HIPK3: variants seen among roughly 807,000 people sequenced by gnomAD.
The protein encoded by HIPK3 is homeodomain-interacting protein kinase 3.
Under a neutral mutation model 124.2 loss-of-function variants are expected in HIPK3, and 47 were observed. The observed-to-expected ratio is 0.38, with a 90% CI of 0.30 to 0.48. The LOEUF is 0.48. Ranked by LOEUF, HIPK3 falls within the 20% of genes least tolerant of loss-of-function variation. The pLI, the probability that HIPK3 is intolerant of heterozygous loss-of-function variation, is 0.98. For missense variants in HIPK3, 1,286 were observed against 1,454.3 expected (o/e 0.88, Z 1.88); for synonymous variants, 482 against 515.2 (o/e 0.94, Z 0.87).
chr11:33,258,611 C>G (rs879280513), intron 1 of HIPK3: 48 of 985,284 alleles, frequency 4.9e-5, no homozygotes, highest in Non-Finnish European at 5.8e-5. Context: ...TTCCCTTCGC[C>G]GCACTGGGAG....
chr11:33,355,324 A>G lies in HIPK3; in HGVS notation c.*1756A>G, dbSNP rs1388790336. The G allele has an allele frequency of 6.6e-6, 1 of 152,018 alleles. No individual in the cohort carries two copies. The highest frequency in any genetic ancestry group is 1.5e-5 in the Non-Finnish European group (1 of 67,910). The allele number at this position is 152,018 out of a possible 1,614,324, so 9.4% of individuals were successfully genotyped here. A position where few individuals can be genotyped will look rare whatever the true frequency, so the allele number is the denominator to read the frequency against. On this transcript the variant is annotated 3_prime_UTR_variant, in exon 17 of 17. Transcript: ENST00000303296. ...TTTGCATCAGTATTTTATCTCTATT[A>G]ATGTTTGTGCTCATCACTGCATATT...
chr11:33,285,576 AAAAT>A (rs55963412), intron 1 of HIPK3, among the ~76,000 whole-genome samples: 4,432 of 55,954 alleles, frequency 0.079, 74 homozygotes, highest in East Asian at 0.1. Flanking sequence ...TCAAAAAAAA[AAAAT>A]ATATATATAT....
In HIPK3 at chr11:33,321,359, A is replaced by G. The variant is rs200759012; in HGVS notation, c.1098-7151A>G. ...TGCTTTCAAGAAGGATTGGTGTAAA[A>G]TGGGAACAGAAAAAGGGGTGATGGC... On this transcript the variant is annotated intron_variant, in intron 2 of 16. Coordinates refer to ENST00000303296, the MANE Select transcript of HIPK3 (RefSeq NM_005734.5). 5.9e-5 allele frequency among the ~76,000 whole-genome samples: 9 copies of G among 152,314 alleles called. No individual in the cohort carries two copies. In the East Asian group the frequency reaches 1.7e-3, roughly 29 times the overall value.
intron 1 of HIPK3, among the ~76,000 whole-genome samples, chr11:33,271,035 ATACTT>A (rs1851110690): frequency 6.6e-6 from 1 of 152,154 alleles, no homozygotes; most frequent in African/African-American, 2.4e-5. Context: ...TTATGGCAAA[ATACTT>A]TAAGTTTTAT....
chr11:33,339,265 T>G, intron 5 of HIPK3, 85 bp from the exon 6 acceptor site: 1 of 991,576 alleles, frequency 1.0e-6, no homozygotes, highest in Non-Finnish European at 1.5e-6. Flanking sequence ...GTGTTGTGAT[T>G]TTTGTTTTAT....
intron 2 of HIPK3, among the ~76,000 whole-genome samples, chr11:33,296,779 C>A (rs1851853010): frequency 6.6e-6 from 1 of 152,170 alleles, no homozygotes; most frequent in Admixed American, 6.6e-5. Flanking sequence ...GTCTCTCCTT[C>A]TCCTCTGGCC....
intron 2 of HIPK3, among the ~76,000 whole-genome samples, chr11:33,308,626 G>GTT (rs1434747147): frequency 6.6e-6 from 1 of 151,508 alleles, no homozygotes; most frequent in Non-Finnish European, 1.5e-5. Context: ...GTGTGTGTGT[G>GTT]TGTGTGTGTG....
At chr11:33,333,354 C>A (rs1007165060) in intron 3 of HIPK3, among the ~76,000 whole-genome samples, 1 of 152,308 alleles carries the variant, frequency 6.6e-6, no homozygotes, top group Non-Finnish European at 1.5e-5. Context: ...ATCTGAGTTT[C>A]TGCTCACCTT....
At chr11:33,289,709 A>C (rs145886999) in intron 2 of HIPK3, among the ~76,000 whole-genome samples, 147 of 152,282 alleles carry the variant, frequency 9.7e-4, no homozygotes, top group African/African-American at 3.5e-3. Flanking sequence ...TGAACAATAA[A>C]TTATTTTTGA....
At chr11:33,345,966 C>A (rs1451258445) in intron 8 of HIPK3, among the ~76,000 whole-genome samples, 5 of 152,100 alleles carry the variant, frequency 3.3e-5, no homozygotes, top group Non-Finnish European at 7.4e-5. Flanking sequence ...TGAAGAGAAA[C>A]ACTCAACATC....
At chr11:33,328,483 G>T in intron 2 of HIPK3, 27 bp from the exon 3 acceptor site, 1 of 1,605,070 alleles carries the variant, frequency 6.2e-7, no homozygotes, top group South Asian at 1.1e-5. Flanking sequence ...AAACCACCCT[G>T]ATTTTTGTTT....
rs570741506 is a variant in HIPK3, at chr11:33,299,421, G to A, written c.1097+11910G>A. ...TGGGTGGCAGAGGTTGCAGTGAGCC[G>A]AGATCATGCCACTGCAATTCCAGCC... On this transcript the variant is annotated intron_variant, in intron 2 of 16. Coordinates refer to ENST00000303296, the MANE Select transcript of HIPK3 (RefSeq NM_005734.5). 1.7e-3 allele frequency among the ~76,000 whole-genome samples: 255 copies of A among 151,820 alleles called. 2 individuals carry two copies. The highest frequency in any genetic ancestry group is 2.4e-4 in the Non-Finnish European group (16 of 67,948).
chr11:33,281,285 CTT>C (rs1452230540), intron 1 of HIPK3, among the ~76,000 whole-genome samples: 2 of 151,824 alleles, frequency 1.3e-5, no homozygotes, highest in Admixed American at 1.3e-4. Context: ...CCTTATTTAA[CTT>C]TTCATTAAGG....
chr11:33,287,486 A>C lies in HIPK3; in HGVS notation c.1072A>C (p.Thr358Pro), dbSNP rs199856578. ...TCATGTATCAAAGACTGTTTGTTCAACATATCTACAATCTCGGTACTACAG... is the reference window on the plus strand; with the variant it reads ...TCATGTATCAAAGACTGTTTGTTCACCATATCTACAATCTCGGTACTACAG... The part of the protein sequence containing the change: ...ASHVSKTVCS[T>P]YLQSRYYRAP... Residue 358 changes from threonine to proline, a missense_variant, in exon 2 of 17, where the codon ACA (threonine) becomes CCA (proline). Coordinates refer to ENST00000303296, the MANE Select transcript of HIPK3 (RefSeq NM_005734.5). 1.2e-4 allele frequency: 191 copies of C among 1,611,982 alleles called. No homozygotes were observed. The highest frequency in any genetic ancestry group is 5.2e-4 in the Admixed American group (31 of 59,868).
intron 2 of HIPK3, among the ~76,000 whole-genome samples, chr11:33,301,399 G>T (rs1293639900): frequency 6.6e-6 from 1 of 152,068 alleles, no homozygotes; most frequent in Non-Finnish European, 1.5e-5. Context: ...ATACAGTTAA[G>T]TTTATTTGTT....
At chr11:33,309,787 T>TGGTATAGCAGTACACTG (rs1852269010) in intron 2 of HIPK3, among the ~76,000 whole-genome samples, 1 of 152,244 alleles carries the variant, frequency 6.6e-6, no homozygotes, top group Non-Finnish European at 1.5e-5. Flanking sequence ...ACCAGTACAC[T>TGGTATAGCAGTACACTG]GTACTGCTAA....
intron 14 of HIPK3, among the ~76,000 whole-genome samples, chr11:33,350,864 G>A (rs901759548): frequency 1.3e-4 from 20 of 152,060 alleles, no homozygotes; most frequent in Non-Finnish European, 2.5e-4. Context: ...CTTAAAAGTT[G>A]CTTATAATAT....
intron 2 of HIPK3, among the ~76,000 whole-genome samples, chr11:33,315,976 T>C (rs1852489654): frequency 6.6e-6 from 1 of 152,202 alleles, no homozygotes; most frequent in South Asian, 2.1e-4. Flanking sequence ...AGACACAAAC[T>C]ACATTTGAAT....
chr11:33,278,847 AAAG>A (rs1851337711), intron 1 of HIPK3, among the ~76,000 whole-genome samples: 1 of 151,932 alleles, frequency 6.6e-6, no homozygotes, highest in Non-Finnish European at 1.5e-5. Flanking sequence ...CCGTCTCAAA[AAAG>A]GAAAAAAAAA....
Sources: gnomAD v4.1 joint callset for allele counts (sites outside exome capture counted in the v4.1 genomes callset) on GRCh38, gnomAD v4.1.1 for gene constraint, MANE v1.5 for transcripts, NCBI Gene and HGNC (gene_info 2026-07-23, HGNC 2026-07-21) for gene names.